MED4: variants seen among roughly 807,000 people sequenced by gnomAD.
The protein encoded by MED4 is mediator complex subunit 4.
Under a neutral mutation model 35.0 loss-of-function variants are expected in MED4, and 21 were observed. The observed-to-expected ratio is 0.60, with a 90% confidence interval of 0.43 to 0.86. The LOEUF is 0.86. Among genes scored for constraint, MED4 ranks in the 40% least tolerant of loss-of-function variants. MED4 has a pLI of 0.00. For synonymous variants in MED4, 138 were observed against 114.0 expected (o/e 1.21, Z -1.34); for missense variants, 300 against 319.4 (o/e 0.94, Z 0.46).
chr13:48,079,754 T>A, intron 6 of MED4, 90 bp downstream of exon 6: 1 of 1,447,048 alleles, frequency 6.9e-7, no homozygotes, highest in Non-Finnish European at 9.4e-7. Context: ...GTGTCGGGAA[T>A]CTCAAACTTG....
intron 1 of MED4, among the ~76,000 whole-genome samples, chr13:48,091,211 A>C (rs1371173999): frequency 6.6e-6 from 1 of 152,230 alleles, no homozygotes; most frequent in Non-Finnish European, 1.5e-5. Flanking sequence ...GGATCCTTAC[A>C]CATAATAAAA....
intron 1 of MED4, among the ~76,000 whole-genome samples, chr13:48,092,239 C>G (rs1460468539): frequency 6.6e-6 from 1 of 152,162 alleles, no homozygotes; most frequent in East Asian, 1.9e-4. Flanking sequence ...TCCCTAGCAG[C>G]TGGGATTACA....
chr13:48,082,493 T>G (rs1054424388), intron 4 of MED4, among the ~76,000 whole-genome samples: 1 of 152,206 alleles, frequency 6.6e-6, no homozygotes, highest in African/African-American at 2.4e-5. Flanking sequence ...TCCTAGAGAT[T>G]TGTTTCTTGC....
chr13:48,082,880 C>T (rs1950820146), intron 4 of MED4, among the ~76,000 whole-genome samples: 1 of 151,842 alleles, frequency 6.6e-6, no homozygotes, highest in Non-Finnish European at 1.5e-5. Flanking sequence ...GAAAAAGGGA[C>T]AGCAGGGCAG....
chr13:48,080,396 CAA>C (rs57198503), intron 5 of MED4, among the ~76,000 whole-genome samples: 3 of 68,814 alleles, frequency 4.4e-5, no homozygotes, highest in Non-Finnish European at 7.7e-5. Context: ...GACCCTGTCT[CAA>C]AAAAAAAAAA....
At chr13:48,085,481 A>G (rs986598090) in intron 3 of MED4, among the ~76,000 whole-genome samples, 1 of 152,168 alleles carries the variant, frequency 6.6e-6, no homozygotes, top group African/African-American at 2.4e-5. Context: ...ATTAGCCACC[A>G]TGCCCGGCCT....
intron 6 of MED4, among the ~76,000 whole-genome samples, chr13:48,079,299 A>T (rs990188114): frequency 6.6e-6 from 1 of 152,244 alleles, no homozygotes; most frequent in African/African-American, 2.4e-5. Flanking sequence ...TGTTTAGAGC[A>T]ATAATTTAAA....
At chr13:48,082,520 A>T (rs1368054812) in intron 4 of MED4, among the ~76,000 whole-genome samples, 1 of 152,302 alleles carries the variant, frequency 6.6e-6, no homozygotes, top group African/African-American at 2.4e-5. Context: ...AGCCTAACCT[A>T]ACTCTCAAAA....
In MED4 at chr13:48,086,350, C is replaced by A. The variant is rs1042495952; in HGVS notation, c.295G>T (p.Glu99Ter). Residue 99 changes from glutamate (E) to a stop codon, truncating the protein, a stop_gained, in exon 3 of 7, where the codon GAA (glutamate) becomes TAA (stop). Transcript: ENST00000258648. LOFTEE classifies it high-confidence loss of function. ...ATATCACTGTCTCTCTTCTCTACTT[C>A]TTTTTCTAAAACTTGCATTTCATGA... ...IHHEMQVLEK[E>*]VEKRDSDIQQ... The A allele has an allele frequency of 1.7e-5, 28 of 1,613,658 alleles. No homozygotes were observed. The highest frequency in any genetic ancestry group is 2.4e-5 in the Non-Finnish European group (28 of 1,179,912).
chr13:48,079,884 G>A lies in MED4; in HGVS notation c.600C>T (p.Gly200=). ...CTGCAAGTGCATCTCCTGGTAAATG[G>A]CCATTCACGCCATTAGTGGAAGGAT... ...MNNPSTNGVN[G]HLPGDALAAG... The change falls in exon 6 of 7, where the codon GGC becomes GGT. Residue 200 remains glycine, a synonymous_variant. Coordinates refer to ENST00000258648, the MANE Select transcript of MED4 (RefSeq NM_014166.4). 3 of 1,613,698 alleles carry A rather than the reference G, an allele frequency of 1.9e-6. No individual in the cohort carries two copies. The highest frequency in any genetic ancestry group is 1.7e-6 in the Non-Finnish European group (2 of 1,179,804).
intron 2 of MED4, among the ~76,000 whole-genome samples, chr13:48,086,940 G>C (rs149768771): frequency 6.6e-6 from 1 of 151,796 alleles, no homozygotes; most frequent in African/African-American, 2.4e-5. Flanking sequence ...CAGTTACTCA[G>C]CAGGCTGAGG....
chr13:48,082,693 G>C (rs899856345), intron 4 of MED4, among the ~76,000 whole-genome samples: 31 of 152,182 alleles, frequency 2.0e-4, no homozygotes, highest in Admixed American at 8.5e-4. Context: ...CGGGTGTGGT[G>C]GCGGGCGCCT....
Position 48,079,931 on chromosome 13 carries a change from C to T in MED4, c.553G>A (p.Gly185Arg). 1 of 1,613,870 alleles carries T rather than the reference C, an allele frequency of 6.2e-7. No individual in the cohort carries two copies. The highest frequency in any genetic ancestry group is 8.5e-7 in the Non-Finnish European group (1 of 1,179,812). Residue 185 changes from glycine to arginine, a missense_variant, in exon 6 of 7, where the codon GGG becomes AGG. By Grantham distance (125) the Gly-to-Arg change is moderately radical (BLOSUM62 -2). Transcript: ENST00000258648. ...GGATTGTTCATCTGACCCAGTAACC[C>T]ACTTCTCATCTCTAAATCAGTTGGG... ...PYPTDLEMRSGLLGQMNNPST... is the reference protein window; with the variant it reads ...PYPTDLEMRSRLLGQMNNPST...
chr13:48,081,574 A>G (rs1487151471), intron 5 of MED4, 71 bp downstream of exon 5: 2 of 984,326 alleles, frequency 2.0e-6, no homozygotes, highest in Non-Finnish European at 3.0e-6. Flanking sequence ...AATTAAATCT[A>G]TGTCTGTACA....
At chr13:48,094,881 ACG>A in intron 1 of MED4, 71 bp downstream of exon 1, 1 of 1,574,336 alleles carries the variant, frequency 6.4e-7, no homozygotes. Flanking sequence ...ACGAGCACAA[ACG>A]CAGGGCCGGC....
intron 1 of MED4, among the ~76,000 whole-genome samples, chr13:48,093,011 T>C (rs1042591427): frequency 2.6e-5 from 4 of 152,146 alleles, no homozygotes; most frequent in African/African-American, 9.7e-5. Context: ...CCTCCCCAAC[T>C]GCGAAAAAGA....
chr13:48,091,891 G>A (rs1375819717), intron 1 of MED4, among the ~76,000 whole-genome samples: 2 of 152,228 alleles, frequency 1.3e-5, no homozygotes, highest in African/African-American at 4.8e-5. Flanking sequence ...CATAAGACAC[G>A]GATTAAATGA....
chr13:48,078,465 T>C (rs1359376530), intron 6 of MED4, among the ~76,000 whole-genome samples: 2 of 152,190 alleles, frequency 1.3e-5, no homozygotes, highest in Non-Finnish European at 2.9e-5. Flanking sequence ...GTGGCGCCTC[T>C]AAAGGTGGTT....
At position 48,076,906 on chromosome 13, in the gene MED4, C is replaced by T; in HGVS notation, c.*233G>A. The T allele has an allele frequency of 9.8e-6, 4 of 409,404 alleles. No individual in the cohort carries two copies. In the South Asian group the frequency reaches 1.6e-4, roughly 17 times the overall value. The allele number at this position is 409,404 out of a possible 1,614,324, so 25.4% of individuals were successfully genotyped here. On this transcript the variant is annotated 3_prime_UTR_variant, in exon 7 of 7. Transcript: ENST00000258648. ...AAGCACATAGCAACTGCTTTTTCAACAGTAAATTTTGACTATTCCCCTAAA... is the reference window on the plus strand; with the variant it reads ...AAGCACATAGCAACTGCTTTTTCAATAGTAAATTTTGACTATTCCCCTAAA...
Sources: gnomAD v4.1 joint callset for allele counts (sites outside exome capture counted in the v4.1 genomes callset) on GRCh38, gnomAD v4.1.1 for gene constraint, MANE v1.5 for transcripts, NCBI Gene and HGNC (gene_info 2026-07-23, HGNC 2026-07-21) for gene names.